ROR1: variants seen among roughly 807,000 people sequenced by gnomAD.
ROR1 encodes the protein ROR family WNT receptor 1.
A neutral mutation model predicts 78.8 loss-of-function variants in ROR1; 19 were observed. The ratio of observed to expected loss-of-function variants is 0.24; its 90% CI spans 0.17 to 0.35. The LOEUF is 0.35. ROR1 is among the 10% of genes least tolerant of loss of function. The pLI is 1.00. For synonymous variants in ROR1, 386 were observed against 433.6 expected (o/e 0.89, Z 1.36); for missense variants, 917 against 1,177.8 (o/e 0.78, Z 3.24).
chr1:63,962,452 C>A (rs542836161), intron 1 of ROR1, among the ~76,000 whole-genome samples: 5 of 152,268 alleles, frequency 3.3e-5, no homozygotes, highest in African/African-American at 1.2e-4. Flanking sequence ...TGGTTCACTG[C>A]AATCTGGAGA....
At chr1:64,107,312 A>G (rs1408251299) in intron 4 of ROR1, among the ~76,000 whole-genome samples, 1 of 152,182 alleles carries the variant, frequency 6.6e-6, no homozygotes, top group Non-Finnish European at 1.5e-5. Flanking sequence ...TTGAACTTAG[A>G]ATGTCTGGCT....
At chr1:64,118,809 A>G (rs1648416813) in intron 4 of ROR1, among the ~76,000 whole-genome samples, 1 of 152,126 alleles carries the variant, frequency 6.6e-6, no homozygotes, top group Non-Finnish European at 1.5e-5. Flanking sequence ...GATAATGCAT[A>G]TATAGCACTT....
intron 4 of ROR1, among the ~76,000 whole-genome samples, chr1:64,081,115 G>A (rs1647098040): frequency 6.6e-6 from 1 of 152,142 alleles, no homozygotes; most frequent in Non-Finnish European, 1.5e-5. Flanking sequence ...TACACTTCAT[G>A]ACTCAGCATT....
chr1:64,017,095 C>T (rs372357986), intron 2 of ROR1, among the ~76,000 whole-genome samples: 30 of 151,950 alleles, frequency 2.0e-4, no homozygotes, highest in Middle Eastern at 6.8e-3. Flanking sequence ...TATTTAGAGA[C>T]GGGGTCTCAC....
At chr1:63,902,438 C>T (rs564743334) in intron 1 of ROR1, among the ~76,000 whole-genome samples, 2 of 151,860 alleles carry the variant, frequency 1.3e-5, no homozygotes, top group East Asian at 1.9e-4. Flanking sequence ...TCACCTCAGC[C>T]TCCTGAATAG....
intron 1 of ROR1, among the ~76,000 whole-genome samples, chr1:64,007,842 G>A (rs1646441469): frequency 6.6e-6 from 1 of 152,120 alleles, no homozygotes; most frequent in African/African-American, 2.4e-5. Context: ...ATTAGTCTAA[G>A]ACTGGTCTTT....
chr1:64,020,025 G>A (rs1036124290), intron 2 of ROR1, among the ~76,000 whole-genome samples: 4 of 152,132 alleles, frequency 2.6e-5, no homozygotes, highest in East Asian at 3.9e-4. Flanking sequence ...CAGAGATCAC[G>A]TGATGCAGCC....
intron 8 of ROR1, among the ~76,000 whole-genome samples, chr1:64,177,149 G>C (rs1400694753): frequency 1.3e-5 from 2 of 152,212 alleles, no homozygotes; most frequent in African/African-American, 4.8e-5. Flanking sequence ...TGCTGATGTT[G>C]CTGGTCCCCA....
At chr1:63,992,011 C>T (rs1161390525) in intron 1 of ROR1, among the ~76,000 whole-genome samples, 1 of 151,892 alleles carries the variant, frequency 6.6e-6, no homozygotes, top group African/African-American at 2.4e-5. Flanking sequence ...GACCAAAATC[C>T]CTGACCTTAT....
chr1:63,842,825 T>A (rs1327065676), intron 1 of ROR1, among the ~76,000 whole-genome samples: 3 of 151,358 alleles, frequency 2.0e-5, no homozygotes, highest in South Asian at 2.1e-4. Flanking sequence ...ACAGCAAGCA[T>A]AGAGTCACTA....
At chr1:64,161,652 T>C (rs1260098336) in intron 8 of ROR1, among the ~76,000 whole-genome samples, 1 of 152,250 alleles carries the variant, frequency 6.6e-6, no homozygotes, top group African/African-American at 2.4e-5. Context: ...TCATAGTTTC[T>C]GGATCATTTC....
rs144347388 is a variant in ROR1, at chr1:64,086,932, G to A, written c.482+36216G>A. Among the ~76,000 whole-genome samples, 621 of 152,254 alleles carry A rather than the reference G, an allele frequency of 4.1e-3. 7 individuals carry two copies. Among genetic ancestry groups the A allele is most frequent in the African/African-American group, 0.014 (563 of 41,544 alleles). ...CTTATGAGGGCTGAGAAACTTGCCCGAGTTCTTAGAGTCAGTAAGAAGAAA... is the reference window on the plus strand; with the variant it reads ...CTTATGAGGGCTGAGAAACTTGCCCAAGTTCTTAGAGTCAGTAAGAAGAAA... On this transcript the variant is annotated intron_variant, in intron 4 of 8. Transcript: ENST00000371079.
chr1:63,935,672 A>T (rs1332074102), intron 1 of ROR1, among the ~76,000 whole-genome samples: 2 of 152,192 alleles, frequency 1.3e-5, no homozygotes, highest in Non-Finnish European at 2.9e-5. Flanking sequence ...ACAGTGTCAG[A>T]AAAAGTCCTG....
intron 1 of ROR1, among the ~76,000 whole-genome samples, chr1:63,834,979 G>A (rs1278480412): frequency 6.6e-6 from 1 of 151,950 alleles, no homozygotes; most frequent in African/African-American, 2.4e-5. Flanking sequence ...TGGCTGGGGC[G>A]GTTGGCCCCA....
At chr1:64,107,920 G>A (rs1647892194) in intron 4 of ROR1, among the ~76,000 whole-genome samples, 1 of 152,080 alleles carries the variant, frequency 6.6e-6, no homozygotes, top group Non-Finnish European at 1.5e-5. Flanking sequence ...AGCATCGGTG[G>A]TCAGAGTTTG....
intron 1 of ROR1, among the ~76,000 whole-genome samples, chr1:63,861,720 C>G (rs753141036): frequency 4.6e-5 from 7 of 152,128 alleles, no homozygotes; most frequent in Non-Finnish European, 8.8e-5. Context: ...GGGGATTCTA[C>G]TTTGAAATAA....
intron 1 of ROR1, among the ~76,000 whole-genome samples, chr1:63,785,586 G>A (rs958124673): frequency 6.6e-6 from 1 of 151,426 alleles, no homozygotes; most frequent in African/African-American, 2.4e-5. Context: ...GCAGTGGCAC[G>A]ATCTCAGCTC....
At position 63,817,977 on chromosome 1, in the gene ROR1, G is replaced by A. The variant is rs182232803; in HGVS notation, c.91+43469G>A. Among the ~76,000 whole-genome samples the A allele has an allele frequency of 3.7e-4, 57 of 152,294 alleles. 1 individual carries two copies. Among genetic ancestry groups the A allele is most frequent in the African/African-American group, 1.3e-3 (54 of 41,556 alleles). ...AGTAACTGAAATGTTATAATGGTGG[G>A]CATTTACAGAGGCTCTGTTATCAGT... On this transcript the variant is annotated intron_variant, in intron 1 of 8. Coordinates refer to ENST00000371079, the MANE Select transcript of ROR1 (RefSeq NM_005012.4).
chr1:64,159,110 C>T lies in ROR1; in HGVS notation c.1304C>T (p.Ser435Leu), dbSNP rs371110337. 4.3e-6 allele frequency: 7 copies of T among 1,614,004 alleles called. No homozygotes were observed. The highest frequency in any genetic ancestry group is 2.7e-5 in the African/African-American group (2 of 74,908). Residue 435 changes from serine (S) to leucine (L), a missense_variant, in exon 8 of 9, where the codon TCG becomes TTG. Physicochemically the swap from Ser to Leu is moderately radical, Grantham distance 145 (BLOSUM62 -2). Around this residue, in one of 3 missense-constraint regions of ROR1, gnomAD observed 835 missense variants for 1,069.8 expected, o/e 0.78. Transcript: ENST00000371079. Reference sequence around the variant, plus strand: ...GTCTGTCGGAATAACCAGAAGTCATCGTCGGCACCAGTCCAGAGGCAACCA... The same window carrying T: ...GTCTGTCGGAATAACCAGAAGTCATTGTCGGCACCAGTCCAGAGGCAACCA... ...ICVCRNNQKSSSAPVQRQPKH... is the reference protein window; with the variant it reads ...ICVCRNNQKSLSAPVQRQPKH...
Sources: gnomAD v4.1 joint callset for allele counts (sites outside exome capture counted in the v4.1 genomes callset) on GRCh38, gnomAD v4.1.1 for gene constraint, gnomAD v4.1.1 regional missense constraint, MANE v1.5 for transcripts, NCBI Gene and HGNC (gene_info 2026-07-23, HGNC 2026-07-21) for gene names.